The following WDFY2 variants were observed in gnomAD, a reference collection of about 807,000 sequenced individuals.
WDFY2 encodes the protein WD repeat and FYVE domain containing 2, also known as WD repeat and FYVE domain-containing protein 2.
A neutral mutation model predicts 56.4 loss-of-function variants in WDFY2; 36 were observed. The observed-to-expected ratio is 0.64, with a 90% CI of 0.49 to 0.84. The LOEUF is 0.84. WDFY2 is among the 40% of genes least tolerant of loss of function. The pLI is 0.00. For missense variants in WDFY2, 444 were observed against 512.2 expected, an observed-to-expected ratio of 0.87 and a Z score of 1.29; for synonymous variants, 176 against 183.7, an observed-to-expected ratio of 0.96 and a Z score of 0.34.
At position 51,755,368 on chromosome 13, in the gene WDFY2, G is replaced by T. The variant is rs759244603; in HGVS notation, c.842G>T (p.Trp281Leu). Residue 281 changes from tryptophan (W) to leucine (L), a missense_variant, in exon 9 of 12, where the codon TGG becomes TTG. Physicochemically the swap from Trp to Leu is moderately conservative, Grantham distance 61. Coordinates refer to ENST00000298125, the MANE Select transcript of WDFY2 (RefSeq NM_052950.4). ...GCTTTATTTGACAAGACCCCTGAATGGTTGGACAGTGATTCCTGCCAAAAG... is the reference window on the plus strand; with the variant it reads ...GCTTTATTTGACAAGACCCCTGAATTGTTGGACAGTGATTCCTGCCAAAAG... Reference protein sequence around the residue: ...MDVERQETPEWLDSDSCQKCD... With the variant: ...MDVERQETPELLDSDSCQKCD... 77 of 1,614,054 alleles carry T rather than the reference G, an allele frequency of 4.8e-5. No individual in the cohort carries two copies. Among genetic ancestry groups the T allele is most frequent in the Non-Finnish European group, 6.2e-5 (73 of 1,180,034 alleles).
At chr13:51,756,875 C>T (rs568721781) in intron 10 of WDFY2, among the ~76,000 whole-genome samples, 3 of 152,284 alleles carry the variant, frequency 2.0e-5, no homozygotes, top group South Asian at 2.1e-4. Context: ...AGAGCTAAGT[C>T]GCTTTACCCA....
intron 1 of WDFY2, among the ~76,000 whole-genome samples, chr13:51,648,473 A>G (rs1321133427): frequency 1.3e-5 from 2 of 152,178 alleles, no homozygotes; most frequent in African/African-American, 2.4e-5. Context: ...CCTTGGGGCA[A>G]ATATCAAATA....
intron 2 of WDFY2, among the ~76,000 whole-genome samples, chr13:51,662,133 G>T (rs559924732): frequency 5.3e-5 from 8 of 152,158 alleles, no homozygotes; most frequent in Admixed American, 5.2e-4. Context: ...ACCACACCCA[G>T]CTAATTTTTG....
intron 2 of WDFY2, among the ~76,000 whole-genome samples, chr13:51,670,482 C>T (rs573091085): frequency 3.6e-5 from 5 of 139,870 alleles, no homozygotes; most frequent in South Asian, 2.3e-4. Context: ...ACCTACTGTG[C>T]GCACATGCAC....
At chr13:51,613,670 T>G (rs1954547443) in intron 1 of WDFY2, among the ~76,000 whole-genome samples, 1 of 152,194 alleles carries the variant, frequency 6.6e-6, no homozygotes, top group Non-Finnish European at 1.5e-5. Flanking sequence ...TAAGAATTCC[T>G]TCTTAGCTGT....
At chr13:51,695,569 G>T (rs189619611) in intron 3 of WDFY2, among the ~76,000 whole-genome samples, 2 of 152,218 alleles carry the variant, frequency 1.3e-5, no homozygotes, top group Non-Finnish European at 2.9e-5. Flanking sequence ...GTACCCAGCT[G>T]TGTGAGGTGT....
chr13:51,663,049 T>G lies in WDFY2; in HGVS notation c.205+2386T>G, dbSNP rs9535730. Among the ~76,000 whole-genome samples, 698 of 152,144 alleles carry G rather than the reference T, an allele frequency of 4.6e-3. 3 individuals are homozygous for G. Among genetic ancestry groups the G allele is most frequent in the Non-Finnish European group, 8.4e-3 (572 of 68,004 alleles). On this transcript the variant is annotated intron_variant, in intron 2 of 11. Coordinates refer to ENST00000298125, the MANE Select transcript of WDFY2 (RefSeq NM_052950.4). ...GGTTAGATCATGTCTGTAATCCCAG[T>G]GTTGTAGGAGGCCAAGGCGGGAGGA...
rs144565188 is a variant in WDFY2, at chr13:51,722,690, T to C, written c.485+3342T>C. 3.1e-3 allele frequency among the ~76,000 whole-genome samples: 471 copies of C among 152,312 alleles called. 3 individuals carry two copies. Among genetic ancestry groups the C allele is most frequent in the African/African-American group, 0.011 (448 of 41,556 alleles). ...GGTGACTTGCTCAAGGTCACGTAACTGTTAGCCGGCAGAACCAGCATTAGA... is the reference window on the plus strand; with the variant it reads ...GGTGACTTGCTCAAGGTCACGTAACCGTTAGCCGGCAGAACCAGCATTAGA... On this transcript the variant is annotated intron_variant, in intron 5 of 11. Transcript: ENST00000298125.
chr13:51,743,267 G>A (rs1479444415), intron 7 of WDFY2, among the ~76,000 whole-genome samples: 1 of 152,212 alleles, frequency 6.6e-6, no homozygotes, highest in Non-Finnish European at 1.5e-5. Flanking sequence ...AGAAGGGCTG[G>A]AAAATGTGGT....
At chr13:51,680,684 A>G (rs1266138455) in intron 3 of WDFY2, among the ~76,000 whole-genome samples, 12 of 152,220 alleles carry the variant, frequency 7.9e-5, no homozygotes. Context: ...AAGGATATTA[A>G]AAGAAGATGA....
At chr13:51,591,674 G>A (rs940797829) in intron 1 of WDFY2, 2 of 152,110 alleles carry the variant, frequency 1.3e-5, no homozygotes, top group African/African-American at 4.8e-5. Context: ...AGTTGTGACC[G>A]TTTCAATTAA....
chr13:51,616,991 A>G (rs894449456), intron 1 of WDFY2, among the ~76,000 whole-genome samples: 13 of 152,226 alleles, frequency 8.5e-5, no homozygotes, highest in Non-Finnish European at 1.3e-4. Flanking sequence ...CATTGTGACA[A>G]AGCTGTGAAA....
intron 10 of WDFY2, among the ~76,000 whole-genome samples, chr13:51,757,313 T>C (rs1953417773): frequency 6.6e-6 from 1 of 152,226 alleles, no homozygotes; most frequent in South Asian, 2.1e-4. Flanking sequence ...AGAGATAGCC[T>C]ACTTTAATTC....
At chr13:51,648,473 A>C (rs1321133427) in intron 1 of WDFY2, among the ~76,000 whole-genome samples, 1 of 152,178 alleles carries the variant, frequency 6.6e-6, no homozygotes, top group Non-Finnish European at 1.5e-5. Context: ...CCTTGGGGCA[A>C]ATATCAAATA....
chr13:51,645,354 T>A (rs553718361), intron 1 of WDFY2, among the ~76,000 whole-genome samples: 1 of 152,256 alleles, frequency 6.6e-6, no homozygotes, highest in African/African-American at 2.4e-5. Context: ...ACTTCAGTTG[T>A]GGCAAAAATA....
At chr13:51,730,889 G>T (rs955699150) in intron 6 of WDFY2, among the ~76,000 whole-genome samples, 1 of 152,194 alleles carries the variant, frequency 6.6e-6, no homozygotes, top group Admixed American at 6.5e-5. Flanking sequence ...GGAGGTCAAG[G>T]TGGAGGGGCA....
At chr13:51,656,483 G>A (rs1955510967) in intron 1 of WDFY2, among the ~76,000 whole-genome samples, 1 of 151,954 alleles carries the variant, frequency 6.6e-6, no homozygotes, top group South Asian at 2.1e-4. Flanking sequence ...TAGTTGGAGT[G>A]TTGTTTATAT....
rs371382135 is a variant in WDFY2, at chr13:51,654,402, C to T, written c.138-6194C>T. ...TCAGCTCACACTCGGTGTGCTGCAC[C>T]CACTGTCCTGCACTCACTGTCCGAC... On this transcript the variant is annotated intron_variant, in intron 1 of 11. Coordinates refer to ENST00000298125, the MANE Select transcript of WDFY2 (RefSeq NM_052950.4). Among the ~76,000 whole-genome samples the T allele has an allele frequency of 7.2e-5, 11 of 152,150 alleles. No individual in the cohort carries two copies. The East Asian group carries it at 1.5e-3, about 21-fold the overall frequency.
chr13:51,749,430 C>A (rs767584012), intron 7 of WDFY2, among the ~76,000 whole-genome samples: 3 of 152,058 alleles, frequency 2.0e-5, no homozygotes, highest in Admixed American at 6.5e-5. Flanking sequence ...ATAATCTCAA[C>A]CACCCATTTA....
Sources: allele counts gnomAD v4.1 joint callset (sites outside exome capture counted in the v4.1 genomes callset), GRCh38; gene constraint gnomAD v4.1.1; transcripts MANE v1.5; gene names NCBI Gene and HGNC (gene_info 2026-07-23, HGNC 2026-07-21).